DHX9: variants seen among roughly 807,000 people sequenced by gnomAD.
DHX9 encodes the protein ATP-dependent RNA helicase A.
In DHX9, 27 loss-of-function variants were observed where a neutral mutation model predicts 148.7. That is an observed-to-expected ratio of 0.18 (90% confidence interval 0.13 to 0.25). The LOEUF (loss-of-function observed/expected upper bound fraction) is 0.25, where lower values mean the gene tolerates loss of function less well. Among genes scored for constraint, DHX9 ranks in the 10% least tolerant of loss-of-function variants. The pLI is 1.00. For synonymous variants in DHX9, 529 were observed against 516.6 expected (o/e 1.02, Z -0.33); for missense variants, 796 against 1,559.6 (o/e 0.51, Z 8.25).
intron 6 of DHX9, 126 bp downstream of exon 6, chr1:182,854,304 G>A (rs1232734905): frequency 9.0e-6 from 8 of 884,042 alleles, no homozygotes; most frequent in Non-Finnish European, 9.8e-6. Flanking sequence ...ATTGTTAAAA[G>A]ATAACGTTAA....
Position 182,876,160 on chromosome 1 carries a change from G to A in DHX9, c.1926G>A (p.Lys642=). 1 of 1,613,978 alleles carries A rather than the reference G, an allele frequency of 6.2e-7. No homozygotes were observed. The highest frequency in any genetic ancestry group is 8.5e-7 in the Non-Finnish European group (1 of 1,179,896). Reference sequence around the variant, plus strand: ...TTGAACTCATCGAGGCTCTACTTAAGTACATTGAAACCCTTAATGTTCCTG... The same window carrying A: ...TTGAACTCATCGAGGCTCTACTTAAATACATTGAAACCCTTAATGTTCCTG... ...TPFELIEALL[K]YIETLNVPGA... Residue 642 remains lysine (K), a synonymous_variant, in exon 17 of 28, where the codon AAG becomes AAA. Transcript: ENST00000367549.
chr1:182,858,402 G>A, intron 8 of DHX9, 149 bp from the exon 9 acceptor site: 1 of 1,027,532 alleles, frequency 9.7e-7, no homozygotes, highest in Non-Finnish European at 1.4e-6. Context: ...ATAATAGGCA[G>A]TGAGTAAATA....
chr1:182,842,595 C>G lies in DHX9; in HGVS notation c.29C>G (p.Ala10Gly). The G allele has an allele frequency of 6.2e-7, 1 of 1,612,986 alleles. No individual in the cohort carries two copies. The highest frequency in any genetic ancestry group is 8.5e-7 in the Non-Finnish European group (1 of 1,179,414). Residue 10 changes from alanine (A) to glycine (G), a missense_variant, in exon 2 of 28, where the codon GCC becomes GGC. Transcript: ENST00000367549. MGDVKNFLY[A>G]WCGKRKMTPS... Reference sequence around the variant, plus strand: ...GGTGACGTTAAAAATTTTCTGTATGCCTGGTGTGGCAAAAGGAAGATGACC... The same window carrying G: ...GGTGACGTTAAAAATTTTCTGTATGGCTGGTGTGGCAAAAGGAAGATGACC...
At chr1:182,883,418 A>T in intron 25 of DHX9, 50 bp downstream of exon 25, 1 of 1,584,916 alleles carries the variant, frequency 6.3e-7, no homozygotes, top group Non-Finnish European at 8.7e-7. Context: ...TTGTCTTTAC[A>T]ATCATTAGGA....
At chr1:182,841,482 C>A (rs1033175327) in intron 1 of DHX9, among the ~76,000 whole-genome samples, 6 of 152,164 alleles carry the variant, frequency 3.9e-5, no homozygotes, top group African/African-American at 1.4e-4. Flanking sequence ...GGTGGAATTT[C>A]CAGATAAACA....
intron 11 of DHX9, 148 bp from the exon 12 acceptor site, chr1:182,859,842 ACCT>A: frequency 1.6e-6 from 1 of 621,236 alleles, no homozygotes. Flanking sequence ...CGAACTCCTC[ACCT>A]CATGATCCTC....
At chr1:182,847,338 T>C (rs1173613802) in intron 3 of DHX9, among the ~76,000 whole-genome samples, 1 of 152,246 alleles carries the variant, frequency 6.6e-6, no homozygotes, top group Non-Finnish European at 1.5e-5. Flanking sequence ...AATAATGTTA[T>C]ACTCCTCCAA....
At chr1:182,876,588 C>A in intron 18 of DHX9, 47 bp downstream of exon 18, 1 of 1,520,626 alleles carries the variant, frequency 6.6e-7, no homozygotes, top group African/African-American at 1.4e-5. Context: ...GACGTAGATA[C>A]TAAACAAATG....
intron 27 of DHX9, among the ~76,000 whole-genome samples, chr1:182,886,504 A>G (rs928264605): frequency 6.6e-6 from 1 of 152,136 alleles, no homozygotes; most frequent in African/African-American, 2.4e-5. Context: ...CCACACAGCC[A>G]TATTTCTGAC....
At chr1:182,870,000 A>G (rs1214327892) in intron 14 of DHX9, among the ~76,000 whole-genome samples, 1 of 152,246 alleles carries the variant, frequency 6.6e-6, no homozygotes, top group African/African-American at 2.4e-5. Context: ...ACTACAAATA[A>G]TAGAATTTAA....
intron 12 of DHX9, among the ~76,000 whole-genome samples, chr1:182,863,293 T>TC (rs1648071206): frequency 6.6e-6 from 1 of 152,204 alleles, no homozygotes; most frequent in Non-Finnish European, 1.5e-5. Context: ...CATTTATGTG[T>TC]CCTTAGGCAA....
rs767934870 is a variant in DHX9 at position 182,887,242 on chromosome 1, G to T, written c.3621G>T (p.Arg1207=). 6.2e-7 allele frequency: 1 copy of T among 1,614,148 alleles called. No individual in the cohort carries two copies. Among genetic ancestry groups the T allele is most frequent in the Non-Finnish European group, 8.5e-7 (1 of 1,180,042 alleles). The change falls in exon 28 of 28, where the codon CGG becomes CGT. Residue 1207 remains arginine, a synonymous_variant. Transcript: ENST00000367549. The part of the protein sequence containing the change: ...GGYGGSANSF[R]AGYGAGVGGG... ...ATGGTGGCAGCGCCAACTCCTTTCG[G>T]GCAGGATATGGTGCAGGTGTTGGTG...
At chr1:182,857,842 A>G (rs1349237557) in intron 7 of DHX9, among the ~76,000 whole-genome samples, 1 of 152,230 alleles carries the variant, frequency 6.6e-6, no homozygotes, top group East Asian at 1.9e-4. Context: ...CTTTGTTGAA[A>G]TAGGTTATTT....
Position 182,868,520 on chromosome 1 carries a change from C to CTTTTTTTTTTTTTTTTTTTTTTTTTTT in DHX9, c.1557+1491_1557+1492insTTTTTTTTTTTTTTTTTTTTTTTTTTT, listed in dbSNP as rs59218081. On this transcript the variant is annotated intron_variant, in intron 14 of 27. Coordinates refer to ENST00000367549, the MANE Select transcript of DHX9 (RefSeq NM_001357.5). Reference sequence around the variant, plus strand: ...GATAATCTAACACTTATTTTAATTCCTTTTTTTTTTTTTTGAGGAGTCTTG... The same window carrying CTTTTTTTTTTTTTTTTTTTTTTTTTTT: ...GATAATCTAACACTTATTTTAATTCCTTTTTTTTTTTTTTTTTTTTTTTTTTTTTTTTTTTTTTTTTGAGGAGTCTTG... Among the ~76,000 whole-genome samples, 36 of 127,508 alleles carry CTTTTTTTTTTTTTTTTTTTTTTTTTTT rather than the reference C, an allele frequency of 2.8e-4. 2 individuals are homozygous for CTTTTTTTTTTTTTTTTTTTTTTTTTTT. The highest frequency in any genetic ancestry group is 1.3e-3 in the African/African-American group (36 of 27,860). The allele number at this position is 127,508 out of a possible 152,430, so 83.7% of individuals were successfully genotyped here.
In DHX9 at chr1:182,884,597, T is replaced by C. The variant is rs1478457244; in HGVS notation, c.3261-16T>C. ...TATACTCCCTCTCTTATTTTTAATG[T>C]ATTTCGCCACTTTAGGATTAAACTG... On this transcript the variant is annotated splice_polypyrimidine_tract_variant and intron_variant, in intron 26 of 27. Transcript: ENST00000367549. 1 of 1,612,286 alleles carries C rather than the reference T, an allele frequency of 6.2e-7. No individual in the cohort carries two copies. The highest frequency in any genetic ancestry group is 1.7e-5 in the Admixed American group (1 of 59,856).
intron 27 of DHX9, among the ~76,000 whole-genome samples, chr1:182,886,001 T>G (rs2102624085): frequency 6.6e-6 from 1 of 151,684 alleles, no homozygotes; most frequent in Middle Eastern, 3.4e-3. Flanking sequence ...TGCAAGAGAG[T>G]TTAGGATGTA....
chr1:182,841,838 TTAA>T (rs1391191254), intron 1 of DHX9, among the ~76,000 whole-genome samples: 1 of 152,224 alleles, frequency 6.6e-6, no homozygotes, highest in Admixed American at 6.5e-5. Flanking sequence ...CAAGAAAACT[TTAA>T]TATCCTCAAA....
At position 182,839,371 on chromosome 1, in the gene DHX9, G is replaced by C. The variant is rs565450239; in HGVS notation, c.-108G>C. On this transcript the variant is annotated 5_prime_UTR_variant, in exon 1 of 28. Coordinates refer to ENST00000367549, the MANE Select transcript of DHX9 (RefSeq NM_001357.5). ...AGCCATTTCGCCGATTCCTCCATGC[G>C]AGTTGCTGTGCGTTTCTCTGTTGTC... The C allele has an allele frequency of 1.3e-5, 2 of 152,454 alleles. No individual in the cohort carries two copies. Among genetic ancestry groups the C allele is most frequent in the African/African-American group, 4.8e-5 (2 of 41,566 alleles). 9.4% of individuals were successfully genotyped at this position (152,454 alleles called of 1,614,324 possible).
At chr1:182,886,321 G>A (rs1011658040) in intron 27 of DHX9, among the ~76,000 whole-genome samples, 2 of 151,748 alleles carry the variant, frequency 1.3e-5, no homozygotes, top group Non-Finnish European at 2.9e-5. Flanking sequence ...TCAACCCCCC[G>A]AGCAGCTGGG....
Sources: gnomAD v4.1 joint callset for allele counts (sites outside exome capture counted in the v4.1 genomes callset) on GRCh38, gnomAD v4.1.1 for gene constraint, MANE v1.5 for transcripts, NCBI Gene and HGNC (gene_info 2026-07-23, HGNC 2026-07-21) for gene names.